Variants in CRTC3 observed in about 807,000 individuals in gnomAD.
CRTC3 encodes CREB-regulated transcription coactivator 3.
Under a neutral mutation model 74.5 loss-of-function variants are expected in CRTC3, and 26 were observed. The observed-to-expected ratio is 0.35, with a 90% CI of 0.26 to 0.48. The LOEUF (loss-of-function observed/expected upper bound fraction) is 0.48, where lower values mean the gene tolerates loss of function less well. Ranked by LOEUF, CRTC3 falls within the 20% of genes least tolerant of loss-of-function variation. The pLI, the probability that CRTC3 is intolerant of heterozygous loss-of-function variation, is 0.99. For synonymous variants in CRTC3, 377 were observed against 325.8 expected, an observed-to-expected ratio of 1.16 and a Z score of -1.69; for missense variants, 760 against 787.3, an observed-to-expected ratio of 0.97 and a Z score of 0.41.
chr15:90,629,102 G>C, intron 10 of CRTC3, 132 bp from the exon 11 acceptor site: 1 of 794,382 alleles, frequency 1.3e-6, no homozygotes, highest in East Asian at 2.7e-5. Flanking sequence ...GTCCCTGTAG[G>C]AGAGCTGTCC....
At chr15:90,637,070 T>C (rs1969264843) in intron 11 of CRTC3, among the ~76,000 whole-genome samples, 1 of 152,194 alleles carries the variant, frequency 6.6e-6, no homozygotes, top group Admixed American at 6.5e-5. Flanking sequence ...ACCCAAAGGA[T>C]TATAAATCAT....
At chr15:90,537,444 C>T (rs1282016780) in intron 1 of CRTC3, among the ~76,000 whole-genome samples, 4 of 152,294 alleles carry the variant, frequency 2.6e-5, no homozygotes, top group South Asian at 2.1e-4. Context: ...AGTGCAATGG[C>T]GCCATCTCGG....
At chr15:90,550,839 C>T (rs536854735) in intron 2 of CRTC3, among the ~76,000 whole-genome samples, 4 of 151,062 alleles carry the variant, frequency 2.6e-5, no homozygotes, top group Admixed American at 1.3e-4. Flanking sequence ...GGATCAGAAA[C>T]GGGTTTGTAG....
In CRTC3 at chr15:90,629,429, C is replaced by T. The variant is rs776575557; in HGVS notation, c.1163C>T (p.Pro388Leu). 1 of 1,614,162 alleles carries T rather than the reference C, an allele frequency of 6.2e-7. No individual in the cohort carries two copies. Among genetic ancestry groups the T allele is most frequent in the Non-Finnish European group, 8.5e-7 (1 of 1,180,034 alleles). Residue 388 changes from proline (P) to leucine (L), a missense_variant, in exon 11 of 15, where the codon CCT becomes CTT. Physicochemically the swap from Pro to Leu is moderately conservative, Grantham distance 98. Around this residue, in one of 2 missense-constraint regions of CRTC3, gnomAD observed 652 missense variants for 635.2 expected, o/e 1.03. Coordinates refer to ENST00000268184, the MANE Select transcript of CRTC3 (RefSeq NM_022769.5). ...NLSGPSRRRQPPVSPLTLSPG... is the reference protein window; with the variant it reads ...NLSGPSRRRQLPVSPLTLSPG... ...AGCGGCCCGTCTCGGCGTCGGCAGC[C>T]TCCCGTCAGCCCTCTCACGCTTTCT...
At chr15:90,619,073 T>C (rs1045715846) in intron 8 of CRTC3, among the ~76,000 whole-genome samples, 5 of 152,262 alleles carry the variant, frequency 3.3e-5, no homozygotes, top group Admixed American at 2.6e-4. Flanking sequence ...GCTTAGTTTC[T>C]TCTGACATTC....
chr15:90,560,958 C>T (rs1017777477), intron 2 of CRTC3, among the ~76,000 whole-genome samples: 10 of 152,152 alleles, frequency 6.6e-5, no homozygotes, highest in Non-Finnish European at 1.3e-4. Flanking sequence ...TATGACCTGC[C>T]ATCCAATATG....
intron 5 of CRTC3, among the ~76,000 whole-genome samples, chr15:90,605,195 A>G (rs544803368): frequency 6.6e-6 from 1 of 152,174 alleles, no homozygotes; most frequent in Admixed American, 6.5e-5. Context: ...TTGAGGCTGC[A>G]GTGAGCCATG....
chr15:90,590,634 AC>A (rs1967778462), intron 2 of CRTC3, among the ~76,000 whole-genome samples: 1 of 152,074 alleles, frequency 6.6e-6, no homozygotes, highest in Non-Finnish European at 1.5e-5. Context: ...TGCTGGGATT[AC>A]AGGTCTGAGC....
Position 90,530,625 on chromosome 15 carries a change from GA to G in CRTC3, c.132+424del. ...CGAGCCCTGCTGTTCTGCCGGCGTG[GA>G]AGGCCGCGGGCACCCCAGGGTCCCA... On this transcript the variant is annotated intron_variant, in intron 1 of 14. Coordinates refer to ENST00000268184, the MANE Select transcript of CRTC3 (RefSeq NM_022769.5). The surrounding 1 kb of genome is among the most constrained non-coding windows in gnomAD (Gnocchi z 6.2). The G allele has an allele frequency of 6.6e-6, 1 of 152,282 alleles. No homozygotes were observed. The highest frequency in any genetic ancestry group is 1.5e-5 in the Non-Finnish European group (1 of 68,058). The allele number at this position is 152,282 out of a possible 1,614,324, so 9.4% of individuals were successfully genotyped here. A position where few individuals can be genotyped will look rare whatever the true frequency, so the allele number is the denominator to read the frequency against.
rs937131263 is a variant in CRTC3, at chr15:90,588,193, G to C, written c.232-5443G>C. On this transcript the variant is annotated intron_variant, in intron 2 of 14. Coordinates refer to ENST00000268184, the MANE Select transcript of CRTC3 (RefSeq NM_022769.5). ...GAGAATTGCTCGAACTTGGGAGGCAGAGGTTACAGTGAGCTGAGATCACGC... is the reference window on the plus strand; with the variant it reads ...GAGAATTGCTCGAACTTGGGAGGCACAGGTTACAGTGAGCTGAGATCACGC... Among the ~76,000 whole-genome samples, 30 of 151,766 alleles carry C rather than the reference G, an allele frequency of 2.0e-4. 1 individual carries two copies. The highest frequency in any genetic ancestry group is 3.3e-4 in the Admixed American group (5 of 15,254).
chr15:90,542,213 C>A (rs370395722), intron 2 of CRTC3, among the ~76,000 whole-genome samples: 35 of 147,850 alleles, frequency 2.4e-4, no homozygotes, highest in African/African-American at 8.8e-4. Flanking sequence ...GAGTCTCATT[C>A]TGTCGCCTAG....
At chr15:90,598,420 G>A (rs1479413913) in intron 3 of CRTC3, 4 of 702,984 alleles carry the variant, frequency 5.7e-6, no homozygotes, top group Middle Eastern at 4.6e-4. Flanking sequence ...TTGGTGAAGA[G>A]TAAGAACTGT....
chr15:90,614,128 C>T, intron 6 of CRTC3: 1 of 236,520 alleles, frequency 4.2e-6, no homozygotes, highest in Non-Finnish European at 8.2e-6. Flanking sequence ...AGAGAATTTC[C>T]ATCTATACTT....
rs11426969 is a variant in CRTC3, at chr15:90,541,782, C to CTTTTTTT, written c.231+1646_231+1652dup. ...GATAATCCTTGGCCTTCCCAGGATTCTTTTTTTCTTTTTTTTTTTTTGAGA... is the reference window on the plus strand; with the variant it reads ...GATAATCCTTGGCCTTCCCAGGATTCTTTTTTTTTTTTTTCTTTTTTTTTTTTTGAGA... On this transcript the variant is annotated intron_variant, in intron 2 of 14. Transcript: ENST00000268184. Among the ~76,000 whole-genome samples the CTTTTTTT allele has an allele frequency of 4.7e-4, 57 of 120,078 alleles. 12 individuals are homozygous for CTTTTTTT. Among genetic ancestry groups the CTTTTTTT allele is most frequent in the Non-Finnish European group, 4.5e-4 (27 of 59,342 alleles). The allele number at this position is 120,078 out of a possible 152,430, so 78.8% of individuals were successfully genotyped here. A position where few individuals can be genotyped will look rare whatever the true frequency, so the allele number is the denominator to read the frequency against.
intron 3 of CRTC3, among the ~76,000 whole-genome samples, chr15:90,601,249 G>A (rs1968061108): frequency 6.6e-6 from 1 of 152,130 alleles, no homozygotes; most frequent in Admixed American, 6.6e-5. Context: ...ATGCTCCAAG[G>A]CATGGTAGAC....
intron 14 of CRTC3, among the ~76,000 whole-genome samples, chr15:90,641,429 G>C (rs751630263): frequency 1.3e-5 from 2 of 152,196 alleles, no homozygotes; most frequent in Non-Finnish European, 2.9e-5. Flanking sequence ...CCAGTGCGGT[G>C]GCTCACGCCT....
At chr15:90,598,650 G>C (rs946391314) in intron 3 of CRTC3, 4 of 626,166 alleles carry the variant, frequency 6.4e-6, no homozygotes, top group Non-Finnish European at 1.1e-5. Context: ...TAAGGGGACA[G>C]TGATTGGTTG....
intron 9 of CRTC3, chr15:90,620,049 T>C: frequency 2.3e-6 from 1 of 427,064 alleles, no homozygotes; most frequent in Non-Finnish European, 4.2e-6. Context: ...TCTTGGTAAA[T>C]ACACAACTCT....
At chr15:90,575,550 T>G (rs1427262648) in intron 2 of CRTC3, among the ~76,000 whole-genome samples, 1 of 152,236 alleles carries the variant, frequency 6.6e-6, no homozygotes, top group Non-Finnish European at 1.5e-5. Flanking sequence ...TAGCTAGTTG[T>G]CTCAACACTA....
Sources: allele counts gnomAD v4.1 joint callset (sites outside exome capture counted in the v4.1 genomes callset), GRCh38; gene constraint gnomAD v4.1.1; regional missense constraint gnomAD v4.1.1; non-coding constraint Gnocchi (gnomAD v3.1); transcripts MANE v1.5; gene names NCBI Gene and HGNC (gene_info 2026-07-23, HGNC 2026-07-21).